ADAMTSL1: variants seen among roughly 807,000 people sequenced by gnomAD.
ADAMTSL1 encodes ADAMTS-like protein 1.
In ADAMTSL1, 126 loss-of-function variants were observed where a neutral mutation model predicts 201.8. That is an observed-to-expected ratio of 0.62 (90% confidence interval 0.54 to 0.72). The LOEUF (loss-of-function observed/expected upper bound fraction) is 0.72, where lower values mean the gene tolerates loss of function less well. Among genes scored for constraint, ADAMTSL1 ranks in the 30% least tolerant of loss-of-function variants. The probability of loss-of-function intolerance (pLI) is 0.00; values close to 1 mark genes in which losing one functional copy is unlikely to be tolerated. For missense variants in ADAMTSL1, 2,679 were observed against 2,277.8 expected, an observed-to-expected ratio of 1.18 and a Z score of -3.59; for synonymous variants, 1,121 against 903.4, an observed-to-expected ratio of 1.24 and a Z score of -4.32.
At chr9:18,437,467 A>T (rs1350941321) in intron 2 of ADAMTSL1, among the ~76,000 whole-genome samples, 1 of 152,010 alleles carries the variant, frequency 6.6e-6, no homozygotes, top group African/African-American at 2.4e-5. Context: ...AATGCTTAAA[A>T]TCCTTAACTG....
At chr9:18,614,945 C>A (rs1048535330) in intron 4 of ADAMTSL1, among the ~76,000 whole-genome samples, 2 of 151,922 alleles carry the variant, frequency 1.3e-5, no homozygotes, top group African/African-American at 4.8e-5. Flanking sequence ...CAAAACACTG[C>A]ATGTATTAAG....
chr9:18,149,731 A>G (rs1826825613), intron 1 of ADAMTSL1, among the ~76,000 whole-genome samples: 1 of 152,106 alleles, frequency 6.6e-6, no homozygotes, highest in Non-Finnish European at 1.5e-5. Flanking sequence ...CACTCAAGCA[A>G]CAATGTGTTG....
At chr9:18,585,708 A>G (rs1823443368) in intron 4 of ADAMTSL1, among the ~76,000 whole-genome samples, 1 of 152,122 alleles carries the variant, frequency 6.6e-6, no homozygotes, top group South Asian at 2.1e-4. Flanking sequence ...ATCCTCAACA[A>G]AATACTGGCA....
At chr9:18,849,363 A>G (rs544454566) in intron 23 of ADAMTSL1, among the ~76,000 whole-genome samples, 53 of 152,262 alleles carry the variant, frequency 3.5e-4, no homozygotes, top group African/African-American at 1.2e-3. Context: ...TGGATCGGGC[A>G]CTTCCTGGAT....
chr9:18,844,893 A>G (rs1825993310), intron 23 of ADAMTSL1, among the ~76,000 whole-genome samples: 2 of 152,172 alleles, frequency 1.3e-5, no homozygotes, highest in Non-Finnish European at 2.9e-5. Context: ...CTGTCGGAAA[A>G]GCGCAGTATT....
intron 23 of ADAMTSL1, among the ~76,000 whole-genome samples, chr9:18,865,438 C>T (rs928223777): frequency 3.9e-5 from 6 of 152,232 alleles, no homozygotes; most frequent in African/African-American, 7.2e-5. Flanking sequence ...TCCAGTCTAT[C>T]GTTGTTGGAC....
intron 15 of ADAMTSL1, among the ~76,000 whole-genome samples, chr9:18,728,142 T>C (rs1201149946): frequency 6.6e-6 from 1 of 151,782 alleles, no homozygotes; most frequent in Admixed American, 6.6e-5. Flanking sequence ...GACAACTGCC[T>C]TGCATGCATG....
intron 2 of ADAMTSL1, among the ~76,000 whole-genome samples, chr9:18,175,325 G>C (rs1253703658): frequency 2.0e-5 from 3 of 152,112 alleles, no homozygotes; most frequent in African/African-American, 7.2e-5. Flanking sequence ...TTCCTTCCCA[G>C]TTCTCCACAA....
At chr9:18,410,354 T>C (rs116481293) in intron 2 of ADAMTSL1, among the ~76,000 whole-genome samples, 8,912 of 152,162 alleles carry the variant, frequency 0.059, 350 homozygotes, top group African/African-American at 0.11. Flanking sequence ...GATTTCTCCC[T>C]CTCCCCTGAT....
chr9:18,306,906 G>A (rs1833929406), intron 2 of ADAMTSL1, among the ~76,000 whole-genome samples: 1 of 152,128 alleles, frequency 6.6e-6, no homozygotes, highest in Admixed American at 6.5e-5. Context: ...ATTCACCAAG[G>A]TTGAAATGAA....
intron 26 of ADAMTSL1, among the ~76,000 whole-genome samples, chr9:18,901,618 A>T (rs568796713): frequency 2.6e-5 from 4 of 152,208 alleles, no homozygotes; most frequent in African/African-American, 9.6e-5. Context: ...ACTTTGGGAT[A>T]TTATATGTAA....
At chr9:18,080,138 GC>G (rs1440946174) in intron 1 of ADAMTSL1, among the ~76,000 whole-genome samples, 1 of 152,232 alleles carries the variant, frequency 6.6e-6, no homozygotes, top group African/African-American at 2.4e-5. Context: ...GTGATGGATA[GC>G]TCATATTCTG....
At chr9:18,161,288 T>C (rs747934890) in intron 1 of ADAMTSL1, among the ~76,000 whole-genome samples, 3 of 152,074 alleles carry the variant, frequency 2.0e-5, no homozygotes, top group Non-Finnish European at 4.4e-5. Flanking sequence ...TTTTTGTCTA[T>C]TTAATTGGTT....
chr9:18,629,443 T>G (rs966733629), intron 5 of ADAMTSL1, among the ~76,000 whole-genome samples: 1 of 152,210 alleles, frequency 6.6e-6, no homozygotes, highest in East Asian at 1.9e-4. Context: ...TGCTGAGAGT[T>G]AATAACATGA....
intron 20 of ADAMTSL1, among the ~76,000 whole-genome samples, chr9:18,797,370 C>T (rs1165041938): frequency 2.0e-5 from 3 of 152,242 alleles, no homozygotes; most frequent in African/African-American, 7.2e-5. Flanking sequence ...TCTACACTCA[C>T]AGTGTTAGGT....
intron 24 of ADAMTSL1, among the ~76,000 whole-genome samples, 179 bp from the exon 25 acceptor site, chr9:18,889,389 C>T (rs1338326272): frequency 6.6e-6 from 1 of 152,342 alleles, no homozygotes; most frequent in East Asian, 1.9e-4. Context: ...GACCACGTGA[C>T]TTCCCCAAAT....
chr9:18,033,724 C>T (rs949449829), intron 1 of ADAMTSL1, among the ~76,000 whole-genome samples: 25 of 152,166 alleles, frequency 1.6e-4, no homozygotes, highest in Admixed American at 1.4e-3. Flanking sequence ...ACCGTCTGCA[C>T]GCTATAGTTC....
chr9:18,647,420 T>C (rs1827892118), intron 7 of ADAMTSL1, among the ~76,000 whole-genome samples: 1 of 151,964 alleles, frequency 6.6e-6, no homozygotes, highest in Admixed American at 6.6e-5. Flanking sequence ...ATTTCTTGCC[T>C]TCTGCTAGCT....
intron 2 of ADAMTSL1, among the ~76,000 whole-genome samples, chr9:18,208,139 A>G (rs745830902): frequency 4.6e-5 from 7 of 152,192 alleles, no homozygotes; most frequent in Non-Finnish European, 8.8e-5. Context: ...TTAGTCCAGT[A>G]TCTTACATCT....
Sources: allele counts gnomAD v4.1 joint callset (sites outside exome capture counted in the v4.1 genomes callset), GRCh38; gene constraint gnomAD v4.1.1; transcripts MANE v1.5; gene names NCBI Gene and HGNC (gene_info 2026-07-23, HGNC 2026-07-21).